The following CMTM4 variants were observed in gnomAD, a reference collection of about 807,000 sequenced individuals.
The protein encoded by CMTM4 is CKLF like MARVEL transmembrane domain containing 4, also known as CKLF-like MARVEL transmembrane domain-containing protein 4.
A neutral mutation model predicts 19.0 loss-of-function variants in CMTM4; 8 were observed. The ratio of observed to expected loss-of-function variants is 0.42; its 90% CI spans 0.25 to 0.76. The LOEUF is 0.76. Ranked by LOEUF, CMTM4 falls within the 30% of genes least tolerant of loss-of-function variation. CMTM4 has a pLI of 0.27. For synonymous variants in CMTM4, 106 were observed against 121.1 expected, an observed-to-expected ratio of 0.88 and a Z score of 0.82; for missense variants, 228 against 290.2, an observed-to-expected ratio of 0.79 and a Z score of 1.56.
chr16:66,606,659 C>T, the CMTM4 span, among the ~76,000 whole-genome samples: 1 of 152,128 alleles, frequency 6.6e-6, no homozygotes, highest in Non-Finnish European at 1.5e-5. Context: ...AAACCAGGGA[C>T]AGATGGCCTC....
intron 1 of CMTM4, among the ~76,000 whole-genome samples, chr16:66,692,976 C>T (rs2017163824): frequency 6.6e-6 from 1 of 152,054 alleles, no homozygotes; most frequent in South Asian, 2.1e-4. Context: ...ATAATCCCAG[C>T]ACTTTGGGAG....
At chr16:66,680,457 T>C (rs1195321494) in intron 1 of CMTM4, among the ~76,000 whole-genome samples, 92 of 111,286 alleles carry the variant, frequency 8.3e-4, no homozygotes, top group Middle Eastern at 0.01. Flanking sequence ...CCAGCCTGGG[T>C]GACAGAGTGA....
chr16:66,641,871 G>C (rs1023679101), intron 1 of CMTM4, among the ~76,000 whole-genome samples: 4 of 152,000 alleles, frequency 2.6e-5, no homozygotes, highest in Non-Finnish European at 5.9e-5. Context: ...TTATTTTCCA[G>C]CCCACTTTTT....
At chr16:66,649,968 G>T (rs571266589) in intron 1 of CMTM4, among the ~76,000 whole-genome samples, 1 of 152,292 alleles carries the variant, frequency 6.6e-6, no homozygotes, top group African/African-American at 2.4e-5. Context: ...TTCCAGTCCA[G>T]CCAACACACG....
At position 66,622,147 on chromosome 16, in the gene CMTM4, G is replaced by C. The variant is rs774180347; in HGVS notation, c.538C>G (p.Arg180Gly). The change falls in exon 4 of 4, where the codon CGC (arginine) becomes GGC (glycine). Residue 180 changes from arginine (R) to glycine (G), a missense_variant. Coordinates refer to ENST00000394106, the MANE Select transcript of CMTM4 (RefSeq NM_181521.3). This position sits in a 1 kb window ranked among gnomAD's most constrained non-coding sequence, Gnocchi z 4.0. The part of the protein sequence containing the change: ...LAVQKWRVSV[R>G]QQSTNDYIRA... ...ATGTAGTCATTGGTGCTCTGCTGGC[G>C]GACGCTGACTCTCCATTTCTGCACT... is the stretch of plus-strand genomic sequence containing the variant. 2.0e-5 allele frequency: 33 copies of C among 1,613,362 alleles called. No individual in the cohort carries two copies. Among genetic ancestry groups the C allele is most frequent in the Non-Finnish European group, 2.6e-5 (31 of 1,179,742 alleles).
rs200202076 is a variant in CMTM4, at chr16:66,614,957, C to T, written c.*7101G>A. ...GGCAATGTGAGGCTTTGCCTGCTGT[C>T]GGGGACAAATCAATAGCAGCAAAGC... On this transcript the variant is annotated 3_prime_UTR_variant, in exon 4 of 4. Transcript: ENST00000394106. This position sits in a 1 kb window ranked among gnomAD's most constrained non-coding sequence, Gnocchi z 4.9. The T allele has an allele frequency of 2.8e-4, 43 of 152,312 alleles. No individual in the cohort carries two copies. Among genetic ancestry groups the T allele is most frequent in the African/African-American group, 9.6e-4 (40 of 41,560 alleles). The allele number at this position is 152,312 out of a possible 1,614,324, so 9.4% of individuals were successfully genotyped here.
downstream of CMTM4, among the ~76,000 whole-genome samples, chr16:66,614,133 A>G (rs1199116087): frequency 2.6e-5 from 4 of 152,202 alleles, no homozygotes. This position sits in a 1 kb window ranked among gnomAD's most constrained non-coding sequence, Gnocchi z 4.9. Flanking sequence ...CCCACTGCCA[A>G]TCTGACAGGA....
intron 2 of CMTM4, among the ~76,000 whole-genome samples, chr16:66,634,672 G>C (rs1290051228): frequency 6.6e-6 from 1 of 151,928 alleles, no homozygotes; most frequent in Admixed American, 6.6e-5. Flanking sequence ...ACTCAGGTGA[G>C]ATGAACATTG....
chr16:66,624,694 G>C (rs1304745926), intron 2 of CMTM4, among the ~76,000 whole-genome samples: 1 of 152,238 alleles, frequency 6.6e-6, no homozygotes, highest in East Asian at 1.9e-4. Flanking sequence ...TTGAACCCGG[G>C]AGGCAGAGGT....
At chr16:66,606,867 C>A in the CMTM4 span, among the ~76,000 whole-genome samples, 1 of 152,304 alleles carries the variant, frequency 6.6e-6, no homozygotes, top group Admixed American at 6.5e-5. Flanking sequence ...GTGGCGGGCG[C>A]CTGTAATCCC....
At chr16:66,631,471 A>G (rs1291914840) in intron 2 of CMTM4, among the ~76,000 whole-genome samples, 1 of 152,216 alleles carries the variant, frequency 6.6e-6, no homozygotes, top group African/African-American at 2.4e-5. Flanking sequence ...TGACAATGGC[A>G]GTGTTGTGGA....
intron 1 of CMTM4, among the ~76,000 whole-genome samples, chr16:66,679,361 A>AT (rs1450244389): frequency 1.3e-5 from 2 of 152,016 alleles, no homozygotes; most frequent in Non-Finnish European, 2.9e-5. Context: ...CAATTCTTAA[A>AT]TTTTATCAAT....
intron 1 of CMTM4, among the ~76,000 whole-genome samples, chr16:66,641,876 C>T (rs2016102337): frequency 6.6e-6 from 1 of 152,166 alleles, no homozygotes; most frequent in African/African-American, 2.4e-5. Flanking sequence ...TTCCAGCCCA[C>T]TTTTTCTGCT....
the CMTM4 span, among the ~76,000 whole-genome samples, chr16:66,607,553 ACTTCAGGACG>A: frequency 0.048 from 7,385 of 152,348 alleles, 281 homozygotes; most frequent in East Asian, 0.11. Context: ...AACTCTGAAC[ACTTCAGGACG>A]CATATCATTA....
intron 1 of CMTM4, among the ~76,000 whole-genome samples, chr16:66,638,990 G>A (rs1175434065): frequency 1.3e-5 from 2 of 150,386 alleles, no homozygotes; most frequent in African/African-American, 4.9e-5. Flanking sequence ...ATTCCACATT[G>A]TATACACATT....
At chr16:66,654,341 A>ACTTC (rs1205825555) in intron 1 of CMTM4, among the ~76,000 whole-genome samples, 8 of 152,146 alleles carry the variant, frequency 5.3e-5, no homozygotes, top group African/African-American at 1.7e-4. Flanking sequence ...CCTGCACTGG[A>ACTTC]CTTCCACTGC....
chr16:66,604,684 G>A, the CMTM4 span: 6 of 745,364 alleles, frequency 8.0e-6, no homozygotes, highest in African/African-American at 9.2e-5. Context: ...GGCGGCGGGG[G>A]ATGCGCCCCT....
intron 1 of CMTM4, among the ~76,000 whole-genome samples, chr16:66,658,414 C>T (rs1442875754): frequency 6.6e-6 from 1 of 152,166 alleles, no homozygotes; most frequent in Non-Finnish European, 1.5e-5. Context: ...GTTCATTTAT[C>T]AAAGTCATGC....
rs2015599536 is a variant in CMTM4 at position 66,619,993 on chromosome 16, C to T, written c.*2065G>A. On this transcript the variant is annotated 3_prime_UTR_variant, in exon 4 of 4. Coordinates refer to ENST00000394106, the MANE Select transcript of CMTM4 (RefSeq NM_181521.3). ...TCCTCAGGAGGCCAACCACCTGCCCCCCTCTTTCACCAGATGATCAAGTGG... is the reference window on the plus strand; with the variant it reads ...TCCTCAGGAGGCCAACCACCTGCCCTCCTCTTTCACCAGATGATCAAGTGG... 6.1e-6 allele frequency: 6 copies of T among 985,374 alleles called. No individual in the cohort carries two copies. The South Asian group carries it at 2.8e-4, about 46-fold the overall frequency. 61.0% of individuals were successfully genotyped at this position (985,374 alleles called of 1,614,324 possible).
Sources: gnomAD v4.1 joint callset for allele counts (sites outside exome capture counted in the v4.1 genomes callset) on GRCh38, gnomAD v4.1.1 for gene constraint, Gnocchi (gnomAD v3.1) non-coding constraint, MANE v1.5 for transcripts, NCBI Gene and HGNC (gene_info 2026-07-23, HGNC 2026-07-21) for gene names.